LPAR1: variants seen among roughly 807,000 people sequenced by gnomAD.
The protein encoded by LPAR1 is lysophosphatidic acid receptor 1.
Under a neutral mutation model 23.8 loss-of-function variants are expected in LPAR1, and 5 were observed. The observed-to-expected ratio is 0.21, with a 90% CI of 0.11 to 0.44. The LOEUF is 0.44. Among genes scored for constraint, LPAR1 ranks in the 20% least tolerant of loss-of-function variants. The pLI, the probability that LPAR1 is intolerant of heterozygous loss-of-function variation, is 0.99. For synonymous variants in LPAR1, 160 were observed against 164.7 expected (o/e 0.97, Z 0.22); for missense variants, 311 against 482.8 (o/e 0.64, Z 3.33).
At chr9:110,909,963 G>T (rs188576188) in intron 5 of LPAR1, among the ~76,000 whole-genome samples, 4 of 152,034 alleles carry the variant, frequency 2.6e-5, no homozygotes, top group East Asian at 1.9e-4. Flanking sequence ...TGCCCAGGCT[G>T]GTCTCAAACT....
chr9:110,967,156 C>T (rs1158267415), intron 4 of LPAR1, among the ~76,000 whole-genome samples: 6 of 152,160 alleles, frequency 3.9e-5, no homozygotes, highest in South Asian at 4.1e-4. Flanking sequence ...GTTACAAACA[C>T]GGCATCTTCT....
chr9:111,006,396 A>C (rs1264996970), intron 2 of LPAR1, among the ~76,000 whole-genome samples: 1 of 152,206 alleles, frequency 6.6e-6, no homozygotes, highest in Non-Finnish European at 1.5e-5. Context: ...CTAAAGGTTA[A>C]GCATTATAAT....
chr9:110,947,904 G>A (rs895798058), intron 4 of LPAR1, among the ~76,000 whole-genome samples: 1 of 119,882 alleles, frequency 8.3e-6, no homozygotes, highest in Non-Finnish European at 1.7e-5. Flanking sequence ...TGCTGATAAA[G>A]AACTAGTAAT....
intron 4 of LPAR1, among the ~76,000 whole-genome samples, chr9:110,954,183 G>T (rs1041238763): frequency 7.2e-5 from 11 of 152,158 alleles, no homozygotes; most frequent in Admixed American, 5.2e-4. Flanking sequence ...CATTCAAAAA[G>T]CTTCAACAAC....
chr9:111,005,113 G>A (rs554790189), intron 2 of LPAR1, among the ~76,000 whole-genome samples: 1 of 119,378 alleles, frequency 8.4e-6, no homozygotes, highest in African/African-American at 3.3e-5. Context: ...AGTTAGCCAT[G>A]ATTACAACAC....
At chr9:110,943,865 CAAA>C (rs11361205) in intron 4 of LPAR1, among the ~76,000 whole-genome samples, 11 of 109,794 alleles carry the variant, frequency 1.0e-4, no homozygotes, top group Admixed American at 1.9e-4. Flanking sequence ...AACTCCATCT[CAAA>C]AAAAAAAAAA....
chr9:110,936,290 A>G (rs1366845035), intron 5 of LPAR1, among the ~76,000 whole-genome samples: 1 of 152,256 alleles, frequency 6.6e-6, no homozygotes, highest in Non-Finnish European at 1.5e-5. Flanking sequence ...TAGATTTGCT[A>G]ATAGGACAGT....
chr9:110,998,457 A>C (rs756212838), intron 2 of LPAR1, among the ~76,000 whole-genome samples: 2 of 152,232 alleles, frequency 1.3e-5, no homozygotes, highest in Non-Finnish European at 2.9e-5. Flanking sequence ...TAAAGACTGT[A>C]ACTGAAACAC....
chr9:110,884,951 G>A (rs542745081), intron 5 of LPAR1, among the ~76,000 whole-genome samples: 136 of 152,130 alleles, frequency 8.9e-4, no homozygotes, highest in African/African-American at 2.9e-3. Flanking sequence ...GGGTGATATC[G>A]TGGACTTATT....
intron 2 of LPAR1, among the ~76,000 whole-genome samples, chr9:111,032,429 G>A (rs565495222): frequency 3.8e-4 from 58 of 152,236 alleles, no homozygotes; most frequent in Middle Eastern, 3.4e-3. Context: ...TCTGTTAATC[G>A]TGTGTAAGCT....
chr9:110,972,223 G>T lies in LPAR1; in HGVS notation c.-103-3C>A. On this transcript the variant is annotated splice_region_variant and splice_polypyrimidine_tract_variant and intron_variant, in intron 3 of 5. Transcript: ENST00000683809. The stretch of plus-strand genomic sequence containing the variant: ...TCATGCTAGGAGAAGCTGTGTACCT[G>T]GAAAACAACAGGAAAACCCACATTT... 1.0e-6 allele frequency: 1 copy of T among 992,090 alleles called. No homozygotes were observed. Among genetic ancestry groups the T allele is most frequent in the Non-Finnish European group, 1.6e-6 (1 of 624,434 alleles). The allele number at this position is 992,090 out of a possible 1,614,324, so 61.5% of individuals were successfully genotyped here. A position where few individuals can be genotyped will look rare whatever the true frequency, so the allele number is the denominator to read the frequency against.
At chr9:110,983,833 C>T (rs1383820376) in intron 2 of LPAR1, among the ~76,000 whole-genome samples, 1 of 151,838 alleles carries the variant, frequency 6.6e-6, no homozygotes, top group African/African-American at 2.4e-5. Flanking sequence ...CAGCCATTAA[C>T]CTCACCCCAA....
chr9:111,029,842 G>T (rs1009662195), intron 2 of LPAR1, among the ~76,000 whole-genome samples: 1 of 151,826 alleles, frequency 6.6e-6, no homozygotes, highest in African/African-American at 2.4e-5. Flanking sequence ...CTTGAGGCCA[G>T]GAGTTCAAGA....
intron 5 of LPAR1, among the ~76,000 whole-genome samples, chr9:110,887,029 TG>T (rs2082599963): frequency 6.6e-6 from 1 of 152,168 alleles, no homozygotes; most frequent in Non-Finnish European, 1.5e-5. Context: ...TAATTGGTTT[TG>T]CAACATATTT....
At chr9:110,942,192 G>A in intron 4 of LPAR1, 24 bp from the exon 5 acceptor site, 3 of 1,572,386 alleles carry the variant, frequency 1.9e-6, no homozygotes, top group Non-Finnish European at 2.6e-6. Context: ...GAGAAAAGAT[G>A]ATGAAAAAGA....
rs905755123 is a variant in LPAR1 at position 110,875,369 on chromosome 9, G to A, written c.*52C>T. ...TTGCCCTGGCAATTGGGTAGGGGGA[G>A]GCTGTTTATCCTCCAAGAGAGGACG... is the stretch of plus-strand genomic sequence containing the variant. On this transcript the variant is annotated 3_prime_UTR_variant, in exon 6 of 6. Coordinates refer to ENST00000683809, the MANE Select transcript of LPAR1 (RefSeq NM_001351411.2). 4 of 1,498,212 alleles carry A rather than the reference G, an allele frequency of 2.7e-6. No individual in the cohort carries two copies. Among genetic ancestry groups the A allele is most frequent in the Admixed American group, 2.1e-5 (1 of 47,630 alleles). The allele number at this position is 1,498,212 out of a possible 1,614,324, so 92.8% of individuals were successfully genotyped here.
intron 5 of LPAR1, among the ~76,000 whole-genome samples, chr9:110,896,786 T>C (rs1201196510): frequency 7.9e-6 from 1 of 127,288 alleles, no homozygotes; most frequent in Non-Finnish European, 1.6e-5. Context: ...TTTAGTGAAA[T>C]CTTTTTTTTT....
chr9:110,875,740 G>A lies in LPAR1; in HGVS notation c.794-18C>T. On this transcript the variant is annotated intron_variant, in intron 5 of 5. Transcript: ENST00000683809. ...AAAGGCCCCTACAAGGACAAGGATAGGGATCAGAAGGATTTTTAAAAAGAG... is the reference window on the plus strand; with the variant it reads ...AAAGGCCCCTACAAGGACAAGGATAAGGATCAGAAGGATTTTTAAAAAGAG... The A allele has an allele frequency of 7.1e-7, 1 of 1,403,692 alleles. No homozygotes were observed. The highest frequency in any genetic ancestry group is 9.5e-7 in the Non-Finnish European group (1 of 1,048,464). 87.0% of individuals were successfully genotyped at this position (1,403,692 alleles called of 1,614,324 possible).
intron 4 of LPAR1, among the ~76,000 whole-genome samples, chr9:110,961,907 C>T (rs568204195): frequency 5.3e-5 from 8 of 152,220 alleles, no homozygotes; most frequent in East Asian, 1.9e-4. Flanking sequence ...ATGGGAGCTA[C>T]GATTCAGGAT....
Sources: allele counts gnomAD v4.1 joint callset (sites outside exome capture counted in the v4.1 genomes callset), GRCh38; gene constraint gnomAD v4.1.1; transcripts MANE v1.5; gene names NCBI Gene and HGNC (gene_info 2026-07-23, HGNC 2026-07-21).